The following LPAR1 variants were observed in gnomAD, a reference collection of about 807,000 sequenced individuals.
The protein encoded by LPAR1 is lysophosphatidic acid receptor 1, also known as LPA receptor 1.
A neutral mutation model predicts 23.8 loss-of-function variants in LPAR1; 5 were observed. That is an observed-to-expected ratio of 0.21 (90% CI 0.11 to 0.44). LPAR1 has a LOEUF of 0.44. Among genes scored for constraint, LPAR1 ranks in the 20% least tolerant of loss-of-function variants. The pLI, the probability that LPAR1 is intolerant of heterozygous loss-of-function variation, is 0.99. For synonymous variants in LPAR1, 160 were observed against 164.7 expected, an observed-to-expected ratio of 0.97 and a Z score of 0.22; for missense variants, 311 against 482.8, an observed-to-expected ratio of 0.64 and a Z score of 3.33.
chr9:110,930,045 C>T (rs886482965), intron 5 of LPAR1, among the ~76,000 whole-genome samples: 1 of 152,164 alleles, frequency 6.6e-6, no homozygotes, highest in African/African-American at 2.4e-5. Flanking sequence ...TGAAGACATT[C>T]TGAAACCTCA....
chr9:110,987,920 A>G (rs568262328), intron 2 of LPAR1, among the ~76,000 whole-genome samples: 52 of 152,198 alleles, frequency 3.4e-4, no homozygotes, highest in African/African-American at 1.2e-3. Context: ...CACAGGAAAC[A>G]AAGAAAAATG....
chr9:110,978,822 CA>C, intron 2 of LPAR1, among the ~76,000 whole-genome samples: 1 of 152,168 alleles, frequency 6.6e-6, no homozygotes, highest in East Asian at 1.9e-4. Flanking sequence ...CTTATTCAAA[CA>C]AAAACAGGAT....
At chr9:111,036,824 T>C (rs1166436979) in intron 1 of LPAR1, among the ~76,000 whole-genome samples, 2 of 152,158 alleles carry the variant, frequency 1.3e-5, no homozygotes, top group Non-Finnish European at 2.9e-5. Context: ...CTTAATATAC[T>C]TACAATGCTG....
chr9:111,012,265 A>G (rs1417715117), intron 2 of LPAR1, among the ~76,000 whole-genome samples: 1 of 152,088 alleles, frequency 6.6e-6, no homozygotes, highest in African/African-American at 2.4e-5. Flanking sequence ...AAACAAACAA[A>G]CAAACAAAAA....
intron 2 of LPAR1, among the ~76,000 whole-genome samples, chr9:111,001,554 G>A (rs1236949553): frequency 6.6e-6 from 1 of 152,132 alleles, no homozygotes; most frequent in African/African-American, 2.4e-5. Context: ...TACCTAATCA[G>A]ACACCCCAAC....
chr9:110,912,959 T>C (rs747643862), intron 5 of LPAR1, among the ~76,000 whole-genome samples: 1 of 152,226 alleles, frequency 6.6e-6, no homozygotes, highest in Non-Finnish European at 1.5e-5. Flanking sequence ...GAAAGCACTG[T>C]CATACGAACA....
intron 4 of LPAR1, among the ~76,000 whole-genome samples, chr9:110,966,393 C>T (rs966467527): frequency 4.0e-5 from 6 of 151,300 alleles, no homozygotes; most frequent in East Asian, 1.9e-4. Context: ...GCAGGAGAAT[C>T]GCTTGAACTC....
intron 5 of LPAR1, among the ~76,000 whole-genome samples, chr9:110,893,116 T>C (rs568712014): frequency 2.2e-4 from 33 of 152,202 alleles, no homozygotes; most frequent in Non-Finnish European, 4.0e-4. Flanking sequence ...AGTGACATAA[T>C]GGTAATAAAT....
intron 5 of LPAR1, among the ~76,000 whole-genome samples, chr9:110,908,250 T>C (rs1159196669): frequency 6.6e-6 from 1 of 150,544 alleles, no homozygotes; most frequent in Non-Finnish European, 1.5e-5. Flanking sequence ...TAAATTATTT[T>C]AAAATATTAA....
chr9:110,948,464 A>G (rs562715677), intron 4 of LPAR1, among the ~76,000 whole-genome samples: 2 of 152,326 alleles, frequency 1.3e-5, no homozygotes, highest in East Asian at 3.9e-4. Context: ...ATAAAATAAT[A>G]ATGTATATCA....
At chr9:110,997,013 C>T (rs1021139775) in intron 2 of LPAR1, among the ~76,000 whole-genome samples, 7 of 152,136 alleles carry the variant, frequency 4.6e-5, no homozygotes, top group African/African-American at 1.2e-4. Context: ...TGTACTTATT[C>T]GTGGTATGGT....
chr9:111,016,296 T>C (rs940631586), intron 2 of LPAR1, among the ~76,000 whole-genome samples: 1 of 152,172 alleles, frequency 6.6e-6, no homozygotes, highest in Non-Finnish European at 1.5e-5. Flanking sequence ...CCAGGTATCA[T>C]AAATACATGA....
At chr9:110,964,677 A>AC (rs1486655974) in intron 4 of LPAR1, among the ~76,000 whole-genome samples, 2 of 1,938 alleles carry the variant, frequency 1.0e-3, no homozygotes, top group African/African-American at 2.3e-3. Context: ...GCCTCAAAAA[A>AC]AAAACCCATT....
chr9:111,033,733 A>G (rs915739484), intron 2 of LPAR1, among the ~76,000 whole-genome samples: 5 of 152,072 alleles, frequency 3.3e-5, no homozygotes, highest in Non-Finnish European at 7.4e-5. Flanking sequence ...TTGTATTTTT[A>G]GTAGAGACAG....
Position 110,874,367 on chromosome 9 carries a change from T to C in LPAR1, c.*1054A>G, listed in dbSNP as rs985550990. 2.6e-5 allele frequency: 4 copies of C among 152,648 alleles called. No individual in the cohort carries two copies. The highest frequency in any genetic ancestry group is 9.6e-5 in the African/African-American group (4 of 41,462). 9.5% of individuals were successfully genotyped at this position (152,648 alleles called of 1,614,324 possible). A position where few individuals can be genotyped will look rare whatever the true frequency, so the allele number is the denominator to read the frequency against. On this transcript the variant is annotated 3_prime_UTR_variant, in exon 6 of 6. Coordinates refer to ENST00000683809, the MANE Select transcript of LPAR1 (RefSeq NM_001351411.2). Reference sequence around the variant, plus strand: ...AATTTTGCAATGAAAAAGATCTACTTATAAAACTGTTTACAGTATGACTCC... The same window carrying C: ...AATTTTGCAATGAAAAAGATCTACTCATAAAACTGTTTACAGTATGACTCC...
At chr9:111,032,180 G>T (rs2097807607) in intron 2 of LPAR1, among the ~76,000 whole-genome samples, 1 of 152,162 alleles carries the variant, frequency 6.6e-6, no homozygotes, top group Non-Finnish European at 1.5e-5. Flanking sequence ...TTATTTTCCA[G>T]ATGTAAAAAG....
intron 2 of LPAR1, among the ~76,000 whole-genome samples, chr9:111,011,853 C>T (rs934187936): frequency 1.3e-5 from 2 of 152,168 alleles, no homozygotes; most frequent in Admixed American, 6.5e-5. Flanking sequence ...ATTGGCCCAA[C>T]TTTGAAAAAT....
At chr9:110,967,446 C>T (rs762717001) in intron 4 of LPAR1, among the ~76,000 whole-genome samples, 1 of 152,142 alleles carries the variant, frequency 6.6e-6, no homozygotes, top group African/African-American at 2.4e-5. Context: ...TATTAGGCAG[C>T]CTTGATTAGA....
chr9:111,029,922 G>T (rs1455473539), intron 2 of LPAR1, among the ~76,000 whole-genome samples: 1 of 151,764 alleles, frequency 6.6e-6, no homozygotes, highest in Non-Finnish European at 1.5e-5. Context: ...AGGCATGGTG[G>T]TGCACGCCTG....
Sources: gnomAD v4.1 joint callset for allele counts (sites outside exome capture counted in the v4.1 genomes callset) on GRCh38, gnomAD v4.1.1 for gene constraint, MANE v1.5 for transcripts, NCBI Gene and HGNC (gene_info 2026-07-23, HGNC 2026-07-21) for gene names.